The following KCNH7 variants were observed in gnomAD, a reference collection of about 807,000 sequenced individuals.
KCNH7 encodes potassium voltage-gated channel subfamily H member 7.
In KCNH7, 49 loss-of-function variants were observed where a neutral mutation model predicts 120.8. The ratio of observed to expected loss-of-function variants is 0.41; its 90% confidence interval spans 0.32 to 0.51. KCNH7 has a LOEUF of 0.51. Among genes scored for constraint, KCNH7 ranks in the 20% least tolerant of loss-of-function variants. The probability of loss-of-function intolerance (pLI) is 0.38; values close to 1 mark genes in which losing one functional copy is unlikely to be tolerated. For synonymous variants in KCNH7, 547 were observed against 516.1 expected (o/e 1.06, Z -0.81); for missense variants, 1,097 against 1,446.6 (o/e 0.76, Z 3.92).
At chr2:162,655,587 CCA>C in intron 2 of KCNH7, among the ~76,000 whole-genome samples, 1 of 151,634 alleles carries the variant, frequency 6.6e-6, no homozygotes, top group Non-Finnish European at 1.5e-5. Context: ...GAGATCGAGA[CCA>C]TCCTGGCCAA....
At chr2:162,495,711 A>G (rs976210406) in intron 6 of KCNH7, among the ~76,000 whole-genome samples, 3 of 152,214 alleles carry the variant, frequency 2.0e-5, no homozygotes, top group African/African-American at 7.2e-5. Context: ...CCAACATTTT[A>G]GACTAATCCT....
At chr2:162,753,798 C>A (rs1236184281) in intron 2 of KCNH7, among the ~76,000 whole-genome samples, 1 of 151,926 alleles carries the variant, frequency 6.6e-6, no homozygotes, top group South Asian at 2.1e-4. Context: ...GAATCATTTC[C>A]CTTTCCTGTT....
At chr2:162,655,351 T>C (rs1439629531) in intron 2 of KCNH7, among the ~76,000 whole-genome samples, 1 of 152,320 alleles carries the variant, frequency 6.6e-6, no homozygotes, top group African/African-American at 2.4e-5. Flanking sequence ...ATTGATGAAA[T>C]TTTAATATTT....
chr2:162,411,971 A>G (rs140308934), intron 9 of KCNH7, among the ~76,000 whole-genome samples: 1 of 152,046 alleles, frequency 6.6e-6, no homozygotes, highest in Non-Finnish European at 1.5e-5. Context: ...GAACAAACCA[A>G]ATTAAATCAA....
intron 2 of KCNH7, among the ~76,000 whole-genome samples, chr2:162,746,377 T>G (rs1028452877): frequency 1.3e-5 from 2 of 152,126 alleles, no homozygotes; most frequent in Admixed American, 1.3e-4. Context: ...TAAAAAAGAA[T>G]TTTAGTTAGA....
Position 162,391,612 on chromosome 2 carries a change from C to T in KCNH7, c.2710+2777G>A, listed in dbSNP as rs1289117787. On this transcript the variant is annotated intron_variant, in intron 12 of 15. Transcript: ENST00000332142. Reference sequence around the variant, plus strand: ...CATATACCAAGCCTGTGATTAAAGGCATAGTATTCAAAATCAACAGAAATG... The same window carrying T: ...CATATACCAAGCCTGTGATTAAAGGTATAGTATTCAAAATCAACAGAAATG... Among the ~76,000 whole-genome samples the T allele has an allele frequency of 2.0e-5, 3 of 152,008 alleles. No individual in the cohort carries two copies. In the East Asian group the frequency reaches 5.8e-4, roughly 30 times the overall value.
At chr2:162,828,656 T>C (rs1048374807) in intron 2 of KCNH7, among the ~76,000 whole-genome samples, 1 of 152,138 alleles carries the variant, frequency 6.6e-6, no homozygotes, top group Non-Finnish European at 1.5e-5. Flanking sequence ...GAAAGTCCAC[T>C]TGCTGTTACA....
intron 2 of KCNH7, among the ~76,000 whole-genome samples, chr2:162,811,842 T>C (rs535399770): frequency 6.6e-6 from 1 of 152,144 alleles, no homozygotes; most frequent in Admixed American, 6.5e-5. Context: ...CACTGCATGA[T>C]TAAAGGGCAG....
At chr2:162,558,026 T>C (rs1427720680) in intron 2 of KCNH7, among the ~76,000 whole-genome samples, 1 of 152,230 alleles carries the variant, frequency 6.6e-6, no homozygotes, top group Non-Finnish European at 1.5e-5. Context: ...GTGCAATTTC[T>C]AAAGCCCTTT....
At chr2:162,791,200 G>T (rs2105518220) in intron 2 of KCNH7, among the ~76,000 whole-genome samples, 1 of 152,196 alleles carries the variant, frequency 6.6e-6, no homozygotes, top group East Asian at 1.9e-4. Context: ...AATTAAGTCA[G>T]GTAGCATGAT....
At chr2:162,722,488 T>G (rs1687352571) in intron 2 of KCNH7, among the ~76,000 whole-genome samples, 1 of 152,066 alleles carries the variant, frequency 6.6e-6, no homozygotes, top group African/African-American at 2.4e-5. Flanking sequence ...TATGAGGATG[T>G]CTTAATATGT....
Position 162,502,079 on chromosome 2 carries a change from C to A in KCNH7, c.1128+2364G>T, listed in dbSNP as rs987068670. 105 of 152,192 alleles carry A rather than the reference C, an allele frequency of 6.9e-4. 1 individual carries two copies. The highest frequency in any genetic ancestry group is 2.4e-3 in the African/African-American group (100 of 41,560). The allele number at this position is 152,192 out of a possible 1,614,324, so 9.4% of individuals were successfully genotyped here. A position where few individuals can be genotyped will look rare whatever the true frequency, so the allele number is the denominator to read the frequency against. On this transcript the variant is annotated intron_variant, in intron 6 of 15. Transcript: ENST00000332142. ...GAAGGTAAATTTTCCAGACTAGCCT[C>A]TCGCCAGCTCAGAAAACCACTTGTT...
At chr2:162,730,898 G>A (rs1206693650) in intron 2 of KCNH7, among the ~76,000 whole-genome samples, 1 of 151,964 alleles carries the variant, frequency 6.6e-6, no homozygotes, top group East Asian at 1.9e-4. Context: ...GAAAGGGCAG[G>A]CAGGCAAGCT....
At chr2:162,477,141 C>T (rs1212342890) in intron 6 of KCNH7, among the ~76,000 whole-genome samples, 1 of 152,164 alleles carries the variant, frequency 6.6e-6, no homozygotes, top group East Asian at 1.9e-4. Context: ...AAATTCTTGC[C>T]TAGCAGTAAG....
In KCNH7 at chr2:162,736,507, G is replaced by A. The variant is rs547865766; in HGVS notation, c.307+100030C>T. On this transcript the variant is annotated intron_variant, in intron 2 of 15. Transcript: ENST00000332142. ...GGTGATTTGCTTTTATAAAGCAAAA[G>A]TGAGAGATTATAGATTGAGGATGAT... Among the ~76,000 whole-genome samples the A allele has an allele frequency of 1.8e-4, 28 of 152,108 alleles. No individual in the cohort carries two copies. In the East Asian group the frequency reaches 4.4e-3, roughly 24 times the overall value.
intron 8 of KCNH7, among the ~76,000 whole-genome samples, chr2:162,426,965 T>G (rs932625553): frequency 1.3e-5 from 2 of 152,136 alleles, no homozygotes; most frequent in Non-Finnish European, 2.9e-5. Context: ...GGAATTATAA[T>G]GTACATATTC....
chr2:162,482,300 A>G (rs1043887653), intron 6 of KCNH7, among the ~76,000 whole-genome samples: 10 of 152,178 alleles, frequency 6.6e-5, no homozygotes, highest in African/African-American at 2.2e-4. Flanking sequence ...GAGTAGGACA[A>G]GGGGAGTTTA....
At chr2:162,684,259 T>G (rs573235004) in intron 2 of KCNH7, among the ~76,000 whole-genome samples, 4 of 152,156 alleles carry the variant, frequency 2.6e-5, no homozygotes, top group African/African-American at 9.6e-5. Context: ...GAAGAAAACA[T>G]AGGCAATACC....
intron 9 of KCNH7, among the ~76,000 whole-genome samples, chr2:162,414,304 T>C (rs1430861639): frequency 6.6e-6 from 1 of 151,954 alleles, no homozygotes; most frequent in African/African-American, 2.4e-5. Context: ...AGGGAAAATA[T>C]GTAAGTGGGT....
Sources: allele counts gnomAD v4.1 joint callset (sites outside exome capture counted in the v4.1 genomes callset), GRCh38; gene constraint gnomAD v4.1.1; transcripts MANE v1.5; gene names NCBI Gene and HGNC (gene_info 2026-07-23, HGNC 2026-07-21).